Variants in SLC6A3 observed in about 807,000 individuals in gnomAD.
SLC6A3 encodes sodium-dependent dopamine transporter.
In SLC6A3, 19 loss-of-function variants were observed where a neutral mutation model predicts 70.4. The ratio of observed to expected loss-of-function variants is 0.27; its 90% confidence interval spans 0.19 to 0.40. The LOEUF (loss-of-function observed/expected upper bound fraction) is 0.40. Among genes scored for constraint, SLC6A3 ranks in the 10% least tolerant of loss-of-function variants. SLC6A3 has a pLI of 1.00. For missense variants in SLC6A3, 613 were observed against 838.5 expected (o/e 0.73, Z 3.32); for synonymous variants, 368 against 356.6 (o/e 1.03, Z -0.36).
At chr5:1,414,945 G>C (rs1756247914) in intron 7 of SLC6A3, 130 bp from the exon 8 acceptor site, 3 of 1,166,746 alleles carry the variant, frequency 2.6e-6, no homozygotes, top group East Asian at 4.9e-5. Context: ...ACTTTTCCCA[G>C]TGAGCACGGC....
intron 7 of SLC6A3, among the ~76,000 whole-genome samples, chr5:1,415,704 G>A (rs543710630): frequency 6.6e-6 from 1 of 152,140 alleles, no homozygotes; most frequent in Non-Finnish European, 1.5e-5. Context: ...GGGATGGGGG[G>A]ACACACTCAG....
intron 5 of SLC6A3, 117 bp from the exon 6 acceptor site, chr5:1,420,820 T>C: frequency 9.3e-7 from 1 of 1,079,852 alleles, no homozygotes; most frequent in Non-Finnish European, 1.4e-6. Context: ...GAGGCCCAAT[T>C]CCCAAACATT....
chr5:1,410,950 A>G (rs372212412), intron 9 of SLC6A3, among the ~76,000 whole-genome samples: 8 of 146,928 alleles, frequency 5.4e-5, no homozygotes, highest in African/African-American at 2.0e-4. Flanking sequence ...GTGTGCGTGT[A>G]TGTGTGTGTG....
chr5:1,410,848 GTT>G (rs1470143783), intron 9 of SLC6A3, among the ~76,000 whole-genome samples: 2 of 151,836 alleles, frequency 1.3e-5, no homozygotes, highest in Non-Finnish European at 2.9e-5. Context: ...GTTCGTGTGT[GTT>G]CATGTATGTG....
intron 4 of SLC6A3, among the ~76,000 whole-genome samples, chr5:1,431,371 G>A (rs1325247011): frequency 1.3e-5 from 2 of 152,320 alleles, no homozygotes; most frequent in Admixed American, 6.5e-5. Flanking sequence ...ATGGTGAGGG[G>A]CGGGCCTGGC....
Position 1,442,628 on chromosome 5 carries a change from C to T in SLC6A3, c.286+284G>A, listed in dbSNP as rs1019335716. 6.6e-6 allele frequency among the ~76,000 whole-genome samples: 1 copy of T among 152,120 alleles called. No homozygotes were observed. The highest frequency in any genetic ancestry group is 2.4e-5 in the African/African-American group (1 of 41,430). ...GAAGATAGCCTCTGGAAACAGGAGG[C>T]AGAGCCAAGCTGCCCCGTCTGCCGC... On this transcript the variant is annotated intron_variant, in intron 2 of 14. Transcript: ENST00000270349. This position sits in a 1 kb window ranked among gnomAD's most constrained non-coding sequence, Gnocchi z 5.0.
At position 1,393,231 on chromosome 5, in the gene SLC6A3, T is replaced by G. The variant is rs937551142; in HGVS notation, c.*1504A>C. 4 of 152,226 alleles carry G rather than the reference T, an allele frequency of 2.6e-5. No homozygotes were observed. Among genetic ancestry groups the G allele is most frequent in the African/African-American group, 7.2e-5 (3 of 41,464 alleles). The allele number at this position is 152,226 out of a possible 1,614,324, so 9.4% of individuals were successfully genotyped here. On this transcript the variant is annotated 3_prime_UTR_variant, in exon 15 of 15. Transcript: ENST00000270349. ...ACGGCCCCTGCCCTCGGGCAGCACG[T>G]AGGCAGGCCCACCGACTTGAGGCAT... is the stretch of plus-strand genomic sequence containing the variant.
At position 1,401,987 on chromosome 5, in the gene SLC6A3, C is replaced by A. The variant is rs554473152; in HGVS notation, c.1767+935G>T. On this transcript the variant is annotated intron_variant, in intron 13 of 14. Coordinates refer to ENST00000270349, the MANE Select transcript of SLC6A3 (RefSeq NM_001044.5). This position sits in a 1 kb window ranked among gnomAD's most constrained non-coding sequence, Gnocchi z 6.1. Reference sequence around the variant, plus strand: ...CCAGCCACACACTGTGCTTTGCCTGCACTGGGCCTTGGCCTGGCCAGGCTG... The same window carrying A: ...CCAGCCACACACTGTGCTTTGCCTGAACTGGGCCTTGGCCTGGCCAGGCTG... 6.6e-6 allele frequency among the ~76,000 whole-genome samples: 1 copy of A among 152,350 alleles called. No homozygotes were observed. Among genetic ancestry groups the A allele is most frequent in the Admixed American group, 6.5e-5 (1 of 15,308 alleles).
At position 1,394,771 on chromosome 5, in the gene SLC6A3, C is replaced by G. The variant is rs781013938; in HGVS notation, c.1840-13G>C. 3 of 1,614,078 alleles carry G rather than the reference C, an allele frequency of 1.9e-6. No homozygotes were observed. In the South Asian group the frequency reaches 3.3e-5, roughly 18 times the overall value. ...GCCAGTGGCGGAGCTGGAAAGAAAA[C>G]AGGTTTAGTCAGAAACCCTGGGGCG... On this transcript the variant is annotated splice_polypyrimidine_tract_variant and intron_variant, in intron 14 of 14. Coordinates refer to ENST00000270349, the MANE Select transcript of SLC6A3 (RefSeq NM_001044.5). This position sits in a 1 kb window ranked among gnomAD's most constrained non-coding sequence, Gnocchi z 4.7.
At chr5:1,416,354 A>T (rs1300350869) in intron 6 of SLC6A3, 153 bp from the exon 7 acceptor site, 1 of 692,528 alleles carries the variant, frequency 1.4e-6, no homozygotes, top group Non-Finnish European at 2.6e-6. Flanking sequence ...CTGGTGGAAG[A>T]TGCAGCCTCA....
chr5:1,397,370 G>A lies in SLC6A3; in HGVS notation c.1840-2612C>T, dbSNP rs1278845521. The stretch of plus-strand genomic sequence containing the variant: ...GGCGCGAACCCGGGAGGCGGAGCTT[G>A]CAGTGAGCCGAGATTGCGCCACTGC... On this transcript the variant is annotated intron_variant, in intron 14 of 14. Transcript: ENST00000270349. This position sits in a 1 kb window ranked among gnomAD's most constrained non-coding sequence, Gnocchi z 4.7. 6.6e-6 allele frequency among the ~76,000 whole-genome samples: 1 copy of A among 152,236 alleles called. No individual in the cohort carries two copies. Among genetic ancestry groups the A allele is most frequent in the South Asian group, 2.1e-4 (1 of 4,836 alleles).
intron 4 of SLC6A3, among the ~76,000 whole-genome samples, chr5:1,424,247 G>A (rs560822611): frequency 2.0e-5 from 3 of 152,352 alleles, no homozygotes; most frequent in South Asian, 2.1e-4. Flanking sequence ...TCCGTCACCC[G>A]CACTGTGCAG....
At chr5:1,407,190 C>A (rs1449644163) in intron 11 of SLC6A3, among the ~76,000 whole-genome samples, 1 of 152,232 alleles carries the variant, frequency 6.6e-6, no homozygotes, top group East Asian at 1.9e-4. Flanking sequence ...CCACATCTGG[C>A]CTGGTCTGTG....
In SLC6A3 at chr5:1,413,992, C is replaced by T. The variant is rs1037744093; in HGVS notation, c.1156+699G>A. 6.6e-6 allele frequency among the ~76,000 whole-genome samples: 1 copy of T among 152,210 alleles called. No individual in the cohort carries two copies. Among genetic ancestry groups the T allele is most frequent in the Non-Finnish European group, 1.5e-5 (1 of 68,042 alleles). ...TGCCTGCCCGAGACCTGGACCCCTC[C>T]CCACCCTCTCGGAGACAACTCCAGG... On this transcript the variant is annotated intron_variant, in intron 8 of 14. Transcript: ENST00000270349. The surrounding 1 kb of genome is among the most constrained non-coding windows in gnomAD (Gnocchi z 7.1).
In SLC6A3 at chr5:1,394,010, G is replaced by A. The variant is rs141895758; in HGVS notation, c.*725C>T. 1 of 155,974 alleles carries A rather than the reference G, an allele frequency of 6.4e-6. No homozygotes were observed. The highest frequency in any genetic ancestry group is 2.4e-5 in the African/African-American group (1 of 41,632). The allele number at this position is 155,974 out of a possible 1,614,324, so 9.7% of individuals were successfully genotyped here. A position where few individuals can be genotyped will look rare whatever the true frequency, so the allele number is the denominator to read the frequency against. ...TCTCAGGCCGTTCCCTACACCGCAA[G>A]GACCCACAGGCTGCCTGAGTGGCAG... On this transcript the variant is annotated 3_prime_UTR_variant, in exon 15 of 15. Transcript: ENST00000270349. This position sits in a 1 kb window ranked among gnomAD's most constrained non-coding sequence, Gnocchi z 4.7.
intron 6 of SLC6A3, among the ~76,000 whole-genome samples, chr5:1,418,920 A>T (rs910833055): frequency 7.1e-6 from 1 of 141,288 alleles, no homozygotes; most frequent in Non-Finnish European, 1.5e-5. Flanking sequence ...CCATTCACCC[A>T]TCCATCATCC....
rs949514072 is a variant in SLC6A3 at position 1,406,585 on chromosome 5, C to G, written c.1499-297G>C. Among the ~76,000 whole-genome samples, 1 of 152,344 alleles carries G rather than the reference C, an allele frequency of 6.6e-6. No individual in the cohort carries two copies. The highest frequency in any genetic ancestry group is 2.1e-4 in the South Asian group (1 of 4,834). On this transcript the variant is annotated intron_variant, in intron 11 of 14. Transcript: ENST00000270349. This position sits in a 1 kb window ranked among gnomAD's most constrained non-coding sequence, Gnocchi z 8.8. ...TCGGGTCCTCCTCCCCATCCCATGG[C>G]TCTCCCTGTCTCCCTCTGCTGCTGG...
Position 1,396,234 on chromosome 5 carries a change from C to T in SLC6A3, c.1840-1476G>A, listed in dbSNP as rs1385977586. On this transcript the variant is annotated intron_variant, in intron 14 of 14. Coordinates refer to ENST00000270349, the MANE Select transcript of SLC6A3 (RefSeq NM_001044.5). This position sits in a 1 kb window ranked among gnomAD's most constrained non-coding sequence, Gnocchi z 7.0. Reference sequence around the variant, plus strand: ...GTGACGGACGGTCAGGGACCAGTCACGGTAGGTGAAACGTAGCTATGGATA... The same window carrying T: ...GTGACGGACGGTCAGGGACCAGTCATGGTAGGTGAAACGTAGCTATGGATA... Among the ~76,000 whole-genome samples, 7 of 152,254 alleles carry T rather than the reference C, an allele frequency of 4.6e-5. No homozygotes were observed. The highest frequency in any genetic ancestry group is 1.4e-4 in the African/African-American group (6 of 41,532).
chr5:1,413,011 C>T lies in SLC6A3; in HGVS notation c.1157-1656G>A, dbSNP rs1756164771. 6.6e-6 allele frequency among the ~76,000 whole-genome samples: 1 copy of T among 152,238 alleles called. No homozygotes were observed. ...ATCAGCTCAGGGAATGTAATGTCAACACCCGTGCCTTCGTTTCTGTACCTA... is the reference window on the plus strand; with the variant it reads ...ATCAGCTCAGGGAATGTAATGTCAATACCCGTGCCTTCGTTTCTGTACCTA... On this transcript the variant is annotated intron_variant, in intron 8 of 14. Coordinates refer to ENST00000270349, the MANE Select transcript of SLC6A3 (RefSeq NM_001044.5). The surrounding 1 kb of genome is among the most constrained non-coding windows in gnomAD (Gnocchi z 7.1).
Sources: gnomAD v4.1 joint callset for allele counts (sites outside exome capture counted in the v4.1 genomes callset) on GRCh38, gnomAD v4.1.1 for gene constraint, Gnocchi (gnomAD v3.1) non-coding constraint, MANE v1.5 for transcripts, NCBI Gene and HGNC (gene_info 2026-07-23, HGNC 2026-07-21) for gene names.